The following CACNA1C variants were observed in gnomAD, a reference collection of about 807,000 sequenced individuals.
The protein encoded by CACNA1C is calcium voltage-gated channel subunit alpha1 C.
Under a neutral mutation model 229.0 loss-of-function variants are expected in CACNA1C, and 30 were observed. The observed-to-expected ratio is 0.13, with a 90% CI of 0.10 to 0.18. The LOEUF is 0.18. Among genes scored for constraint, CACNA1C ranks in the 10% least tolerant of loss-of-function variants. The pLI is 1.00. For missense variants in CACNA1C, 1,658 were observed against 2,845.0 expected, an observed-to-expected ratio of 0.58 and a Z score of 9.49; for synonymous variants, 1,114 against 1,132.5, an observed-to-expected ratio of 0.98 and a Z score of 0.33.
intron 1 of CACNA1C, among the ~76,000 whole-genome samples, chr12:1,984,311 C>G (rs2154468491): frequency 6.6e-6 from 1 of 151,666 alleles, no homozygotes. Context: ...TCTCCTGTTA[C>G]CCTCTTTCTT....
intron 30 of CACNA1C, chr12:2,641,443 T>G (rs1428115374): frequency 2.1e-6 from 1 of 475,010 alleles, no homozygotes; most frequent in East Asian, 3.9e-5. Context: ...ACACATAGAT[T>G]AAATCAAGTT....
chr12:2,566,016 TGTG>T lies in CACNA1C; in HGVS notation c.1509-403_1509-401del, dbSNP rs1016094861. ...GAGAGAAGGCATGAGAAGTGCCTGA[TGTG>T]GTACTGGGCCCCTCCTCCACTGTTA... On this transcript the variant is annotated intron_variant, in intron 11 of 46. Coordinates refer to ENST00000399655, the MANE Select transcript of CACNA1C (RefSeq NM_000719.7). This position sits in a 1 kb window ranked among gnomAD's most constrained non-coding sequence, Gnocchi z 4.0. Among the ~76,000 whole-genome samples the T allele has an allele frequency of 6.6e-6, 1 of 152,230 alleles. No homozygotes were observed. Among genetic ancestry groups the T allele is most frequent in the Admixed American group, 6.5e-5 (1 of 15,288 alleles).
intron 3 of CACNA1C, among the ~76,000 whole-genome samples, chr12:2,148,132 A>G (rs976523217): frequency 2.0e-5 from 3 of 151,404 alleles, no homozygotes; most frequent in Non-Finnish European, 3.0e-5. Context: ...GAGTAGAGAA[A>G]GATGTGAGAA....
intron 1 of CACNA1C, among the ~76,000 whole-genome samples, chr12:2,042,707 C>T (rs1030826017): frequency 2.6e-5 from 4 of 152,126 alleles, no homozygotes; most frequent in East Asian, 1.9e-4. Flanking sequence ...ACAGGAGAAG[C>T]GGCAGGTGGG....
intron 45 of CACNA1C, 57 bp from the exon 46 acceptor site, chr12:2,688,390 C>G (rs773481541): frequency 5.5e-5 from 84 of 1,527,292 alleles, no homozygotes; most frequent in Non-Finnish European, 7.4e-5. Flanking sequence ...GAAGCAGGGG[C>G]CTGCCTTGTT....
At chr12:2,524,256 C>T (rs183554829) in intron 9 of CACNA1C, among the ~76,000 whole-genome samples, 1 of 152,336 alleles carries the variant, frequency 6.6e-6, no homozygotes, top group East Asian at 1.9e-4. Flanking sequence ...GGCACATTAA[C>T]ACACATTTAA....
intron 3 of CACNA1C, among the ~76,000 whole-genome samples, chr12:2,208,600 G>A (rs2097827851): frequency 6.6e-6 from 1 of 152,204 alleles, no homozygotes; most frequent in Admixed American, 6.5e-5. Context: ...ATGTCTGGGT[G>A]GTGGGTGGCA....
intron 1 of CACNA1C, among the ~76,000 whole-genome samples, chr12:1,978,695 C>T (rs1291817579): frequency 6.6e-6 from 1 of 152,128 alleles, no homozygotes; most frequent in African/African-American, 2.4e-5. Context: ...ACCACCAGCC[C>T]CAGCAGAGAC....
intron 3 of CACNA1C, among the ~76,000 whole-genome samples, chr12:2,210,157 T>G (rs769053950): frequency 5.9e-5 from 9 of 152,256 alleles, no homozygotes; most frequent in Non-Finnish European, 1.0e-4. Flanking sequence ...GAGGGGAATC[T>G]GATCTTCAGC....
chr12:2,590,422 G>A (rs150143095), intron 18 of CACNA1C, among the ~76,000 whole-genome samples: 8 of 152,324 alleles, frequency 5.3e-5, no homozygotes, highest in African/African-American at 1.2e-4. Context: ...GCATTTGGGA[G>A]TAGGAGGCTA....
At chr12:2,301,009 CTG>C (rs1200795376) in intron 3 of CACNA1C, among the ~76,000 whole-genome samples, 1 of 152,214 alleles carries the variant, frequency 6.6e-6, no homozygotes. Flanking sequence ...CCACTTATAA[CTG>C]GGGTCATCTG....
rs149963008 is a variant in CACNA1C at position 1,972,159 on chromosome 12, G to A, written c.139+958G>A. On this transcript the variant is annotated intron_variant, in intron 1 of 46. Transcript: ENST00000682462. Reference sequence around the variant, plus strand: ...TTACTTGGAAAGCCACGGAAACGTGGTAGTGTGACATTACACAAACCTCTT... The same window carrying A: ...TTACTTGGAAAGCCACGGAAACGTGATAGTGTGACATTACACAAACCTCTT... Among the ~76,000 whole-genome samples the A allele has an allele frequency of 9.7e-4, 148 of 152,320 alleles. 1 individual carries two copies. The highest frequency in any genetic ancestry group is 3.5e-3 in the African/African-American group (144 of 41,568).
upstream of CACNA1C, among the ~76,000 whole-genome samples, chr12:2,052,388 G>A (rs553489096): frequency 5.3e-5 from 8 of 152,106 alleles, no homozygotes; most frequent in Admixed American, 4.6e-4. Flanking sequence ...ACGGAATCAC[G>A]GCTCATCTTG....
At chr12:2,187,669 C>T (rs1009995424) in intron 3 of CACNA1C, among the ~76,000 whole-genome samples, 10 of 152,346 alleles carry the variant, frequency 6.6e-5, no homozygotes, top group South Asian at 2.1e-4. Flanking sequence ...GTGGGCACTG[C>T]GGTGAGAACC....
At chr12:2,432,939 C>T (rs547181669) in intron 3 of CACNA1C, among the ~76,000 whole-genome samples, 1 of 152,298 alleles carries the variant, frequency 6.6e-6, no homozygotes, top group South Asian at 2.1e-4. Context: ...AAAGCAGACA[C>T]TGAGGCTGTG....
At chr12:2,429,449 G>T (rs1311564967) in intron 3 of CACNA1C, among the ~76,000 whole-genome samples, 2 of 152,126 alleles carry the variant, frequency 1.3e-5, no homozygotes, top group African/African-American at 4.8e-5. Context: ...AGTTGATGTG[G>T]GGGAAAAGCA....
Position 2,053,321 on chromosome 12 carries a change from G to T in CACNA1C, c.-242G>T. On this transcript the variant is annotated 5_prime_UTR_variant, in exon 1 of 47. Coordinates refer to ENST00000399655, the MANE Select transcript of CACNA1C (RefSeq NM_000719.7). The surrounding 1 kb of genome is among the most constrained non-coding windows in gnomAD (Gnocchi z 5.8). Reference sequence around the variant, plus strand: ...TTGGAAGGGGCCCGGATGTACTGAGGATGCGTTACAGTTTCACTCGAGGAG... The same window carrying T: ...TTGGAAGGGGCCCGGATGTACTGAGTATGCGTTACAGTTTCACTCGAGGAG... 2 of 1,264,982 alleles carry T rather than the reference G, an allele frequency of 1.6e-6. No homozygotes were observed. Among genetic ancestry groups the T allele is most frequent in the Non-Finnish European group, 2.0e-6 (2 of 1,002,232 alleles). The allele number at this position is 1,264,982 out of a possible 1,614,324, so 78.4% of individuals were successfully genotyped here. A position where few individuals can be genotyped will look rare whatever the true frequency, so the allele number is the denominator to read the frequency against.
Position 2,450,377 on chromosome 12 carries a change from A to AC in CACNA1C, c.617+1266dup, listed in dbSNP as rs372006266. On this transcript the variant is annotated intron_variant, in intron 4 of 46. Transcript: ENST00000399655. ...AGACCATCCTGGCTAACACGGTGAA[A>AC]CCCCGTCTCTACTAAAAATACAAAA... Among the ~76,000 whole-genome samples the AC allele has an allele frequency of 5.8e-3, 872 of 151,608 alleles. 15 individuals carry two copies. Among genetic ancestry groups the AC allele is most frequent in the African/African-American group, 0.019 (783 of 41,266 alleles).
chr12:2,361,018 C>T (rs2097544928), intron 3 of CACNA1C, among the ~76,000 whole-genome samples: 1 of 151,986 alleles, frequency 6.6e-6, no homozygotes, highest in Non-Finnish European at 1.5e-5. Flanking sequence ...TGTTCTTTGG[C>T]CTCAGAACAG....
Sources: gnomAD v4.1 joint callset for allele counts (sites outside exome capture counted in the v4.1 genomes callset) on GRCh38, gnomAD v4.1.1 for gene constraint, Gnocchi (gnomAD v3.1) non-coding constraint, MANE v1.5 for transcripts, NCBI Gene and HGNC (gene_info 2026-07-23, HGNC 2026-07-21) for gene names.